Variants in FHAD1 observed in about 807,000 individuals in gnomAD.
FHAD1 encodes forkhead associated phosphopeptide binding domain 1, also known as forkhead-associated domain-containing protein 1.
FHAD1 carries 146 observed loss-of-function variants against 191.3 expected under a neutral mutation model. The ratio of observed to expected loss-of-function variants is 0.76; its 90% CI spans 0.67 to 0.88. The LOEUF is 0.88. Ranked by LOEUF, FHAD1 falls within the 40% of genes least tolerant of loss-of-function variation. The probability of loss-of-function intolerance (pLI) is 0.00; values close to 1 mark genes in which losing one functional copy is unlikely to be tolerated. For missense variants in FHAD1, 1,635 were observed against 1,785.8 expected (o/e 0.92, Z 1.52); for synonymous variants, 616 against 672.3 (o/e 0.92, Z 1.29).
At chr1:15,272,254 A>G in intron 2 of FHAD1, 69 bp from the exon 3 acceptor site, 1 of 1,413,344 alleles carries the variant, frequency 7.1e-7, no homozygotes, top group South Asian at 1.3e-5. Context: ...TAAGGCACTC[A>G]GCTCAAAACA....
At chr1:15,387,742 G>A (rs1702500413) in intron 31 of FHAD1, among the ~76,000 whole-genome samples, 2 of 152,140 alleles carry the variant, frequency 1.3e-5, no homozygotes, top group African/African-American at 4.8e-5. Context: ...AAAATTAGCT[G>A]GGTGTGGTGG....
intron 33 of FHAD1, among the ~76,000 whole-genome samples, chr1:15,394,067 C>A (rs1043022292): frequency 2.6e-5 from 4 of 152,192 alleles, no homozygotes; most frequent in Non-Finnish European, 4.4e-5. Flanking sequence ...CCGGCTTCTA[C>A]CCCTGCCTTT....
At chr1:15,278,689 G>C (rs1659401919) in intron 3 of FHAD1, among the ~76,000 whole-genome samples, 1 of 152,052 alleles carries the variant, frequency 6.6e-6, no homozygotes, top group Non-Finnish European at 1.5e-5. Flanking sequence ...GGCCAGGCTG[G>C]TCTGGAACTC....
chr1:15,283,018 T>C (rs1172707527), intron 3 of FHAD1, among the ~76,000 whole-genome samples: 1 of 152,264 alleles, frequency 6.6e-6, no homozygotes, highest in Non-Finnish European at 1.5e-5. Flanking sequence ...TCAGCAGGGC[T>C]ACCCCATGGG....
chr1:15,289,793 C>A lies in FHAD1; in HGVS notation c.568+127C>A. ...CAATTGTAAAAAATGAAAATAAATT[C>A]AGGATAAGCAGAAAGTAAGAAAACA... On this transcript the variant is annotated intron_variant, in intron 4 of 33. Coordinates refer to ENST00000688493, the MANE Select transcript of FHAD1 (RefSeq NM_001391957.1). This position sits in a 1 kb window ranked among gnomAD's most constrained non-coding sequence, Gnocchi z 4.2. 1 of 1,369,904 alleles carries A rather than the reference C, an allele frequency of 7.3e-7. No individual in the cohort carries two copies. The highest frequency in any genetic ancestry group is 9.6e-7 in the Non-Finnish European group (1 of 1,037,086). The allele number at this position is 1,369,904 out of a possible 1,614,324, so 84.9% of individuals were successfully genotyped here.
At chr1:15,398,566 C>T (rs969877080), downstream of FHAD1, among the ~76,000 whole-genome samples, 3 of 152,078 alleles carry the variant, frequency 2.0e-5, no homozygotes, top group South Asian at 2.1e-4. Context: ...ACTGTCCATT[C>T]GGATACACCA....
At chr1:15,286,241 G>A (rs1662363327) in intron 3 of FHAD1, among the ~76,000 whole-genome samples, 1 of 152,188 alleles carries the variant, frequency 6.6e-6, no homozygotes, top group Admixed American at 6.5e-5. Flanking sequence ...TGGGGCTCAT[G>A]CCTGTAATCC....
At position 15,349,088 on chromosome 1, in the gene FHAD1, C is replaced by T. The variant is rs1354875751; in HGVS notation, c.2393C>T (p.Ala798Val). ...CATGAAAAAAGAAAAGCAAAGGAAG[C>T]CTTGGAGTCGGAAAAGAGAAAAGTT... ...IAHEKRKAKE[A>V]LESEKRKVQD... The change falls in exon 19 of 34, where the codon GCC becomes GTC. Residue 798 changes from alanine to valine, a missense_variant. Transcript: ENST00000688493. The T allele has an allele frequency of 1.3e-6, 2 of 1,551,338 alleles. No homozygotes were observed. Among genetic ancestry groups the T allele is most frequent in the African/African-American group, 2.7e-5 (2 of 72,906 alleles).
chr1:15,369,307 A>G lies in FHAD1; in HGVS notation c.3315-63A>G, dbSNP rs545965924. 4.7e-4 allele frequency: 720 copies of G among 1,519,986 alleles called. 2 individuals carry two copies. Among genetic ancestry groups the G allele is most frequent in the Non-Finnish European group, 5.8e-4 (647 of 1,124,278 alleles). 94.2% of individuals were successfully genotyped at this position (1,519,986 alleles called of 1,614,324 possible). ...TAGAGCTCCATGTCCTGGTCTTCCA[A>G]TGAGTGTAAAAGTAATTTGTGGTTT... On this transcript the variant is annotated intron_variant, in intron 25 of 33. Transcript: ENST00000688493.
chr1:15,308,870 C>A, intron 7 of FHAD1, 134 bp downstream of exon 7: 1 of 1,351,828 alleles, frequency 7.4e-7, no homozygotes, highest in Non-Finnish European at 1.0e-6. Flanking sequence ...TCCCAGCAGC[C>A]CTTTAGGCAG....
At chr1:15,295,786 C>T (rs754626195) in intron 4 of FHAD1, among the ~76,000 whole-genome samples, 5 of 152,194 alleles carry the variant, frequency 3.3e-5, no homozygotes, top group Admixed American at 6.5e-5. Context: ...ATAAATAAGG[C>T]TTCGAGGGCC....
intron 28 of FHAD1, among the ~76,000 whole-genome samples, chr1:15,379,215 G>A (rs1463291300): frequency 5.3e-5 from 8 of 152,200 alleles, no homozygotes; most frequent in Non-Finnish European, 2.9e-5. Context: ...GTGTTTCTCC[G>A]AGAGGGGGAT....
At chr1:15,293,722 A>C (rs540945967) in intron 4 of FHAD1, among the ~76,000 whole-genome samples, 2 of 151,026 alleles carry the variant, frequency 1.3e-5, no homozygotes, top group East Asian at 3.9e-4. Flanking sequence ...CTACCTCAAA[A>C]AACCAACAAA....
chr1:15,331,583 G>A (rs1205780224), intron 14 of FHAD1, among the ~76,000 whole-genome samples: 1 of 145,996 alleles, frequency 6.8e-6, no homozygotes, highest in Non-Finnish European at 1.5e-5. Flanking sequence ...AGGAAGGGTG[G>A]GTGGATAGAA....
At chr1:15,292,000 C>A (rs1227392523) in intron 4 of FHAD1, among the ~76,000 whole-genome samples, 1 of 152,208 alleles carries the variant, frequency 6.6e-6, no homozygotes, top group Non-Finnish European at 1.5e-5. Flanking sequence ...TCCATCATTT[C>A]TCCAGTAGCC....
At chr1:15,384,046 T>C in intron 31 of FHAD1, 1 of 225,282 alleles carries the variant, frequency 4.4e-6, no homozygotes, top group Non-Finnish European at 9.4e-6. Flanking sequence ...AGGGTTTGGC[T>C]GTGTGTGACA....
intron 10 of FHAD1, among the ~76,000 whole-genome samples, chr1:15,320,402 AT>A (rs1558100620): frequency 6.6e-6 from 1 of 151,786 alleles, no homozygotes; most frequent in African/African-American, 2.4e-5. Flanking sequence ...GCTCTTGTTG[AT>A]TTTTTTTGTC....
intron 10 of FHAD1, among the ~76,000 whole-genome samples, chr1:15,320,344 G>A (rs1230868029): frequency 6.6e-6 from 1 of 152,178 alleles, no homozygotes; most frequent in East Asian, 1.9e-4. Flanking sequence ...TTAGTATTCT[G>A]TATATGGACA....
intron 18 of FHAD1, among the ~76,000 whole-genome samples, chr1:15,347,701 G>A (rs1161204030): frequency 2.0e-5 from 3 of 152,176 alleles, no homozygotes; most frequent in African/African-American, 7.2e-5. Flanking sequence ...TGCCTGCCTT[G>A]GCCTCCCAAA....
Sources: gnomAD v4.1 joint callset for allele counts (sites outside exome capture counted in the v4.1 genomes callset) on GRCh38, gnomAD v4.1.1 for gene constraint, Gnocchi (gnomAD v3.1) non-coding constraint, MANE v1.5 for transcripts, NCBI Gene and HGNC (gene_info 2026-07-23, HGNC 2026-07-21) for gene names.